ST6GALNAC5: variants seen among roughly 807,000 people sequenced by gnomAD.
ST6GALNAC5 encodes ST6 N-acetylgalactosaminide alpha-2,6-sialyltransferase 5, also known as alpha-N-acetylgalactosaminide alpha-2,6-sialyltransferase 5.
In ST6GALNAC5, 27 loss-of-function variants were observed where a neutral mutation model predicts 33.6. That is an observed-to-expected ratio of 0.80 (90% confidence interval 0.59 to 1.11). ST6GALNAC5 has a LOEUF of 1.11. ST6GALNAC5 is among the 50% of genes least tolerant of loss of function. ST6GALNAC5 has a pLI of 0.00. For synonymous variants in ST6GALNAC5, 194 were observed against 171.2 expected, an observed-to-expected ratio of 1.13 and a Z score of -1.04; for missense variants, 428 against 454.0, an observed-to-expected ratio of 0.94 and a Z score of 0.52.
At chr1:76,969,334 C>A (rs530432054) in intron 2 of ST6GALNAC5, among the ~76,000 whole-genome samples, 27 of 152,330 alleles carry the variant, frequency 1.8e-4, no homozygotes, top group African/African-American at 6.5e-4. Context: ...AAATACTGTG[C>A]TTTTCCAATG....
Position 76,868,632 on chromosome 1 carries a change from TCGGC to T in ST6GALNAC5, c.153_156del (p.Ala52ProfsTer37). ...GCAGCAGCAACAGCAGCAGCAGGCG[TCGGC>T]CACCGGCAGCTCGCAGCCGGCGGCG... On this transcript the variant is annotated frameshift_variant, in exon 2 of 5. Transcript: ENST00000477717. LOFTEE classifies it high-confidence loss of function. The surrounding 1 kb of genome is among the most constrained non-coding windows in gnomAD (Gnocchi z 4.3). 1 of 1,609,088 alleles carries T rather than the reference TCGGC, an allele frequency of 6.2e-7. No individual in the cohort carries two copies.
intron 2 of ST6GALNAC5, among the ~76,000 whole-genome samples, chr1:76,977,250 T>C (rs941583001): frequency 1.3e-5 from 2 of 152,208 alleles, no homozygotes; most frequent in African/African-American, 2.4e-5. Context: ...TTGTATACCT[T>C]GTATAATGAT....
chr1:77,009,280 C>T (rs1487964760), intron 2 of ST6GALNAC5, among the ~76,000 whole-genome samples: 2 of 152,056 alleles, frequency 1.3e-5, no homozygotes, highest in Non-Finnish European at 2.9e-5. Context: ...TAGCTGGGCC[C>T]AGTGAGAGTT....
intron 2 of ST6GALNAC5, among the ~76,000 whole-genome samples, chr1:76,965,705 T>A (rs919995151): frequency 6.6e-6 from 1 of 152,216 alleles, no homozygotes; most frequent in Non-Finnish European, 1.5e-5. Flanking sequence ...TGAAAGGTAT[T>A]GCCTAGGTTT....
intron 2 of ST6GALNAC5, among the ~76,000 whole-genome samples, chr1:76,941,870 C>T (rs190216588): frequency 1.3e-4 from 20 of 152,216 alleles, no homozygotes; most frequent in Non-Finnish European, 4.4e-5. Context: ...CAATTTGTTA[C>T]GACTGCCTCA....
chr1:77,011,515 C>T (rs977424022), intron 2 of ST6GALNAC5, among the ~76,000 whole-genome samples: 31 of 152,200 alleles, frequency 2.0e-4, no homozygotes, highest in African/African-American at 5.5e-4. Context: ...TTGGGAATTA[C>T]AGTCCTTGAG....
chr1:76,960,574 C>T (rs764969135), intron 2 of ST6GALNAC5, among the ~76,000 whole-genome samples: 1 of 152,086 alleles, frequency 6.6e-6, no homozygotes, highest in African/African-American at 2.4e-5. Context: ...CCTAATAAGC[C>T]TGGGAGCGAT....
intron 2 of ST6GALNAC5, among the ~76,000 whole-genome samples, chr1:76,900,833 A>T (rs1208688518): frequency 6.6e-6 from 1 of 152,220 alleles, no homozygotes; most frequent in Non-Finnish European, 1.5e-5. Context: ...GCTTTTTCAT[A>T]GTTTTAATCA....
chr1:76,871,779 G>T (rs1570625446), intron 2 of ST6GALNAC5, among the ~76,000 whole-genome samples: 1 of 152,056 alleles, frequency 6.6e-6, no homozygotes, highest in East Asian at 1.9e-4. Flanking sequence ...CTAAATGAAG[G>T]CTACATGGAG....
At chr1:77,044,055 A>G (rs562734260) in intron 2 of ST6GALNAC5, 149 bp from the exon 3 acceptor site, 1 of 906,942 alleles carries the variant, frequency 1.1e-6, no homozygotes, top group African/African-American at 1.7e-5. Flanking sequence ...AGGGTCCATA[A>G]AGTAATAGCA....
At chr1:76,889,140 G>A (rs1653961332) in intron 2 of ST6GALNAC5, among the ~76,000 whole-genome samples, 2 of 152,162 alleles carry the variant, frequency 1.3e-5, no homozygotes, top group South Asian at 4.1e-4. Flanking sequence ...CCATTTATAA[G>A]TGATTTAATT....
chr1:76,954,556 A>G (rs1647880258), intron 2 of ST6GALNAC5, among the ~76,000 whole-genome samples: 1 of 152,104 alleles, frequency 6.6e-6, no homozygotes, highest in African/African-American at 2.4e-5. Context: ...GGAAAAAAAG[A>G]AAGAGTGAGT....
intron 2 of ST6GALNAC5, among the ~76,000 whole-genome samples, chr1:76,973,976 AT>A (rs1648876989): frequency 6.6e-6 from 1 of 152,042 alleles, no homozygotes; most frequent in Non-Finnish European, 1.5e-5. Flanking sequence ...GAATATTTTA[AT>A]TTCTGATAAA....
At chr1:76,954,988 C>A (rs1261510773) in intron 2 of ST6GALNAC5, among the ~76,000 whole-genome samples, 2 of 152,082 alleles carry the variant, frequency 1.3e-5, no homozygotes, top group African/African-American at 4.8e-5. Context: ...GGGGATACAG[C>A]AATGAGCAAA....
intron 4 of ST6GALNAC5, among the ~76,000 whole-genome samples, chr1:77,057,888 G>A (rs1287921964): frequency 6.6e-6 from 1 of 152,118 alleles, no homozygotes; most frequent in African/African-American, 2.4e-5. Flanking sequence ...AGCTTTAGAA[G>A]AGTCAAAAAG....
chr1:76,979,994 C>T (rs1046136337), intron 2 of ST6GALNAC5, among the ~76,000 whole-genome samples: 1 of 152,022 alleles, frequency 6.6e-6, no homozygotes, highest in Non-Finnish European at 1.5e-5. Context: ...TAGAAGAAAA[C>T]ATAAGGGATA....
intron 2 of ST6GALNAC5, among the ~76,000 whole-genome samples, chr1:76,949,247 G>A (rs1647647166): frequency 6.6e-6 from 1 of 152,128 alleles, no homozygotes; most frequent in Non-Finnish European, 1.5e-5. Context: ...TAAGAACTGG[G>A]AATTCGTTTC....
intron 2 of ST6GALNAC5, among the ~76,000 whole-genome samples, chr1:76,985,689 G>A (rs180685290): frequency 2.0e-4 from 30 of 152,214 alleles, no homozygotes; most frequent in Non-Finnish European, 3.5e-4. Context: ...AAAAGAGCCC[G>A]CATTGCCAAG....
chr1:77,000,223 G>T (rs1346519914), intron 2 of ST6GALNAC5, among the ~76,000 whole-genome samples: 58 of 109,518 alleles, frequency 5.3e-4, no homozygotes, highest in African/African-American at 1.5e-3. Context: ...GTTTTGATTT[G>T]CATTTCTCTG....
Sources: allele counts gnomAD v4.1 joint callset (sites outside exome capture counted in the v4.1 genomes callset), GRCh38; gene constraint gnomAD v4.1.1; non-coding constraint Gnocchi (gnomAD v3.1); transcripts MANE v1.5; gene names NCBI Gene and HGNC (gene_info 2026-07-23, HGNC 2026-07-21).